RUNX2: variants seen among roughly 807,000 people sequenced by gnomAD.
RUNX2 encodes the protein runt-related transcription factor 2.
A neutral mutation model predicts 51.7 loss-of-function variants in RUNX2; 10 were observed. The ratio of observed to expected loss-of-function variants is 0.19; its 90% CI spans 0.12 to 0.33. RUNX2 has a LOEUF of 0.33. Ranked by LOEUF, RUNX2 falls within the 10% of genes least tolerant of loss-of-function variation. The pLI is 1.00. For missense variants in RUNX2, 562 were observed against 691.3 expected (o/e 0.81, Z 2.10); for synonymous variants, 276 against 273.6 (o/e 1.01, Z -0.09).
At chr6:45,457,789 G>A (rs1799357441) in intron 5 of RUNX2, among the ~76,000 whole-genome samples, 1 of 152,158 alleles carries the variant, frequency 6.6e-6, no homozygotes, top group Non-Finnish European at 1.5e-5. Flanking sequence ...ATAAGCCAGG[G>A]CAATGGCAGC....
At chr6:45,518,344 G>A (rs1390145667) in intron 7 of RUNX2, among the ~76,000 whole-genome samples, 1 of 152,080 alleles carries the variant, frequency 6.6e-6, no homozygotes, top group East Asian at 1.9e-4. Flanking sequence ...CTGATTGGAT[G>A]GATTACTTTT....
chr6:45,461,282 CA>C (rs1411041090), intron 5 of RUNX2, among the ~76,000 whole-genome samples: 3 of 152,202 alleles, frequency 2.0e-5, no homozygotes, highest in African/African-American at 7.2e-5. Flanking sequence ...TTTGGATTGC[CA>C]CCTGACAGGG....
intron 7 of RUNX2, among the ~76,000 whole-genome samples, chr6:45,515,945 T>G (rs899426230): frequency 6.6e-6 from 1 of 152,198 alleles, no homozygotes; most frequent in African/African-American, 2.4e-5. Context: ...AAATTCCATT[T>G]TCTCCTAAAA....
intron 2 of RUNX2, among the ~76,000 whole-genome samples, chr6:45,378,731 C>T (rs1248697736): frequency 6.6e-6 from 1 of 151,982 alleles, no homozygotes; most frequent in African/African-American, 2.4e-5. Flanking sequence ...CTTGCACCCC[C>T]AGTATTGTAC....
At position 45,547,231 on chromosome 6, in the gene RUNX2, G is replaced by A. The variant is rs1312686830; in HGVS notation, c.1492G>A (p.Gly498Arg). ...CCAGAATGATGGTGTTGACGCTGAT[G>A]GAAGCCACAGCAGTTCCCCAACTGT... Reference protein sequence around the residue: ...PNQNDGVDADGSHSSSPTVLN... With the variant: ...PNQNDGVDADRSHSSSPTVLN... Residue 498 changes from glycine (G) to arginine (R), a missense_variant, in exon 9 of 9, where the codon GGA (glycine) becomes AGA (arginine). Gly to Arg is a moderately radical substitution (Grantham distance 125). Transcript: ENST00000647337. 5.0e-6 allele frequency: 8 copies of A among 1,614,178 alleles called. No homozygotes were observed. In the East Asian group the frequency reaches 1.3e-4, roughly 27 times the overall value.
At position 45,336,829 on chromosome 6, in the gene RUNX2, C is replaced by T. The variant is rs191813108; in HGVS notation, c.58+8045C>T. ...TCAAATTTTCTACCTCTGTTTTAAACTTTCTTCATTCAAATACATGGTCAA... is the reference window on the plus strand; with the variant it reads ...TCAAATTTTCTACCTCTGTTTTAAATTTTCTTCATTCAAATACATGGTCAA... On this transcript the variant is annotated intron_variant, in intron 2 of 8. Coordinates refer to ENST00000647337, the MANE Select transcript of RUNX2 (RefSeq NM_001024630.4). Among the ~76,000 whole-genome samples, 1,370 of 151,534 alleles carry T rather than the reference C, an allele frequency of 9.0e-3. 14 individuals carry two copies. Among genetic ancestry groups the T allele is most frequent in the South Asian group, 0.028 (136 of 4,818 alleles).
chr6:45,414,432 C>T (rs1338275387), intron 2 of RUNX2, among the ~76,000 whole-genome samples: 1 of 152,122 alleles, frequency 6.6e-6, no homozygotes, highest in Non-Finnish European at 1.5e-5. Context: ...CTTCAAAGAC[C>T]TTTAAATTCC....
chr6:45,351,266 C>G (rs1407655089), intron 2 of RUNX2, among the ~76,000 whole-genome samples: 1 of 152,066 alleles, frequency 6.6e-6, no homozygotes, highest in East Asian at 1.9e-4. Context: ...TTCAGCCACT[C>G]CCACAGAGAC....
intron 3 of RUNX2, among the ~76,000 whole-genome samples, chr6:45,431,607 A>G (rs1798544881): frequency 6.6e-6 from 1 of 152,180 alleles, no homozygotes; most frequent in South Asian, 2.1e-4. Flanking sequence ...ATAAAAATGT[A>G]CATATTTTCT....
chr6:45,357,951 C>A (rs1179893172), intron 2 of RUNX2, among the ~76,000 whole-genome samples: 1 of 151,932 alleles, frequency 6.6e-6, no homozygotes, highest in Non-Finnish European at 1.5e-5. Context: ...GAACACATTT[C>A]TTTATTATTC....
intron 5 of RUNX2, among the ~76,000 whole-genome samples, chr6:45,458,902 T>A (rs1799396249): frequency 6.6e-6 from 1 of 152,224 alleles, no homozygotes; most frequent in African/African-American, 2.4e-5. Flanking sequence ...CCACAATCTG[T>A]CCTCTTGGAA....
chr6:45,545,292 T>C lies in RUNX2; in HGVS notation c.1087+10T>C. ...AAGAAGAGCCAGGCAGGTGAGACTT[T>C]TAACAATTGCTGGGCTGGGCAGGGC... On this transcript the variant is annotated intron_variant, in intron 8 of 8. Coordinates refer to ENST00000647337, the MANE Select transcript of RUNX2 (RefSeq NM_001024630.4). 1.3e-6 allele frequency: 2 copies of C among 1,550,622 alleles called. No individual in the cohort carries two copies. Among genetic ancestry groups the C allele is most frequent in the Non-Finnish European group, 1.7e-6 (2 of 1,146,886 alleles).
At chr6:45,378,145 GC>G (rs1336328926) in intron 2 of RUNX2, among the ~76,000 whole-genome samples, 2 of 152,228 alleles carry the variant, frequency 1.3e-5, no homozygotes, top group African/African-American at 2.4e-5. Flanking sequence ...GGCCTTCAGG[GC>G]CCGGCTTGGG....
intron 2 of RUNX2, among the ~76,000 whole-genome samples, chr6:45,356,316 A>G (rs1467545088): frequency 6.6e-6 from 1 of 152,124 alleles, no homozygotes; most frequent in Non-Finnish European, 1.5e-5. Context: ...TTAGTATATT[A>G]AAAACACACA....
chr6:45,456,683 G>A (rs1021597296), intron 5 of RUNX2, among the ~76,000 whole-genome samples: 3 of 152,116 alleles, frequency 2.0e-5, no homozygotes, highest in South Asian at 2.1e-4. Flanking sequence ...GTCATCTTTT[G>A]GAGTGGCTTA....
chr6:45,515,617 A>G lies in RUNX2; in HGVS notation c.1021+3210A>G, dbSNP rs1801296738. ...GGCATATTTAAAACAAAGCCCTTAG[A>G]TTATCTAAATAAGTTAATACCCACA... On this transcript the variant is annotated intron_variant, in intron 7 of 8. Transcript: ENST00000647337. Among the ~76,000 whole-genome samples, 4 of 152,198 alleles carry G rather than the reference A, an allele frequency of 2.6e-5. No homozygotes were observed. In the South Asian group the frequency reaches 8.3e-4, roughly 31 times the overall value.
At chr6:45,489,848 T>C (rs1452791091) in intron 5 of RUNX2, among the ~76,000 whole-genome samples, 11 of 152,204 alleles carry the variant, frequency 7.2e-5, no homozygotes, top group Admixed American at 7.2e-4. Context: ...TTTAGGGTAA[T>C]GGGTGAATTA....
intron 5 of RUNX2, among the ~76,000 whole-genome samples, chr6:45,483,965 G>A (rs573979847): frequency 6.6e-6 from 1 of 152,310 alleles, no homozygotes; most frequent in African/African-American, 2.4e-5. Context: ...CTGGGCTCAG[G>A]GGGCTCTATT....
At chr6:45,412,187 C>CAAAA in intron 2 of RUNX2, among the ~76,000 whole-genome samples, 1 of 119,964 alleles carries the variant, frequency 8.3e-6, no homozygotes, top group African/African-American at 3.2e-5. Flanking sequence ...ATAAAAAATA[C>CAAAA]AAAAAAAAAA....
Sources: gnomAD v4.1 joint callset for allele counts (sites outside exome capture counted in the v4.1 genomes callset) on GRCh38, gnomAD v4.1.1 for gene constraint, MANE v1.5 for transcripts, NCBI Gene and HGNC (gene_info 2026-07-23, HGNC 2026-07-21) for gene names.